The following RNF168 variants were observed in gnomAD, a reference collection of about 807,000 sequenced individuals.
RNF168 encodes ring finger protein 168, also known as E3 ubiquitin-protein ligase RNF168.
A neutral mutation model predicts 34.9 loss-of-function variants in RNF168; 34 were observed. The ratio of observed to expected loss-of-function variants is 0.97; its 90% CI spans 0.74 to 1.30. The LOEUF is 1.30. Among genes scored for constraint, RNF168 ranks in the 50% most tolerant of loss-of-function variants. The pLI, the probability that RNF168 is intolerant of heterozygous loss-of-function variation, is 0.00. For synonymous variants in RNF168, 264 were observed against 254.7 expected, an observed-to-expected ratio of 1.04 and a Z score of -0.35; for missense variants, 725 against 682.5, an observed-to-expected ratio of 1.06 and a Z score of -0.69.
intron 4 of RNF168, among the ~76,000 whole-genome samples, chr3:196,481,542 T>C (rs1178112254): frequency 6.6e-6 from 1 of 152,216 alleles, no homozygotes; most frequent in Non-Finnish European, 1.5e-5. Flanking sequence ...AGTTTCTTTC[T>C]GTTACCACTT....
rs1732404161 is a variant in RNF168, at chr3:196,485,611, T to C, written c.559-1720A>G. On this transcript the variant is annotated intron_variant, in intron 3 of 5. Coordinates refer to ENST00000318037, the MANE Select transcript of RNF168 (RefSeq NM_152617.4). ...TTATTATTCCATTGGTCAATGACTT[T>C]TATTTAGTTTCCTGATTGTGTATTT... is the stretch of plus-strand genomic sequence containing the variant. Among the ~76,000 whole-genome samples, 6 of 152,298 alleles carry C rather than the reference T, an allele frequency of 3.9e-5. No individual in the cohort carries two copies. The South Asian group carries it at 1.2e-3, about 32-fold the overall frequency.
chr3:196,475,248 T>C lies in RNF168; in HGVS notation c.745A>G (p.Lys249Glu). The change falls in exon 5 of 6, where the codon AAA becomes GAA. Residue 249 changes from lysine (K) to glutamate (E), a missense_variant. Coordinates refer to ENST00000318037, the MANE Select transcript of RNF168 (RefSeq NM_152617.4). ...SHSEAVQEVR[K>E]DSVSKDIDSS... ...CAACATACCTTAGATACGGAGTCTTTCCTGACTTCTTGTACAGCTTCAGAG... is the reference window on the plus strand; with the variant it reads ...CAACATACCTTAGATACGGAGTCTTCCCTGACTTCTTGTACAGCTTCAGAG... 2 of 1,604,016 alleles carry C rather than the reference T, an allele frequency of 1.2e-6. No homozygotes were observed. Among genetic ancestry groups the C allele is most frequent in the Non-Finnish European group, 1.7e-6 (2 of 1,170,778 alleles).
Position 196,502,927 on chromosome 3 carries a change from G to GT in RNF168, c.246dup (p.His83ThrfsTer9). 2 of 1,614,074 alleles carry GT rather than the reference G, an allele frequency of 1.2e-6. No homozygotes were observed. Among genetic ancestry groups the GT allele is most frequent in the Non-Finnish European group, 1.7e-6 (2 of 1,179,950 alleles). On this transcript the variant is annotated frameshift_variant, in exon 1 of 6. Coordinates refer to ENST00000318037, the MANE Select transcript of RNF168 (RefSeq NM_152617.4). LOFTEE classifies it high-confidence loss of function. ...CTAAGCTTGCACTCCCTGGGATAGT[G>GT]TTTTTGAATTATCGTCCACAGTTCC...
At position 196,503,505 on chromosome 3, in the gene RNF168, C is replaced by T. The variant is rs575929919; in HGVS notation, c.-332G>A. On this transcript the variant is annotated 5_prime_UTR_variant, in exon 1 of 6. Transcript: ENST00000318037. The stretch of plus-strand genomic sequence containing the variant: ...GCGGCTCCCGGGGCAGCGAGGGGAA[C>T]GCGCCAAGTCCTCTCCTCCCCTCAC... The T allele has an allele frequency of 1.1e-3, 433 of 385,100 alleles. No individual in the cohort carries two copies. Among genetic ancestry groups the T allele is most frequent in the African/African-American group, 7.4e-3 (357 of 48,070 alleles). The allele number at this position is 385,100 out of a possible 1,614,324, so 23.9% of individuals were successfully genotyped here.
chr3:196,487,869 T>C (rs1447230473), intron 2 of RNF168, among the ~76,000 whole-genome samples: 1 of 152,178 alleles, frequency 6.6e-6, no homozygotes, highest in Non-Finnish European at 1.5e-5. Context: ...AAATCTCTAT[T>C]TATGTATAAC....
intron 1 of RNF168, among the ~76,000 whole-genome samples, chr3:196,496,078 T>A (rs775093450): frequency 3.9e-4 from 59 of 152,314 alleles, no homozygotes; most frequent in South Asian, 3.1e-3. Context: ...AAACACCAAT[T>A]ATATTTTTAT....
In RNF168 at chr3:196,487,401, T is replaced by C. The variant is rs564496254; in HGVS notation, c.556A>G (p.Ile186Val). 9.9e-6 allele frequency: 16 copies of C among 1,613,486 alleles called. No individual in the cohort carries two copies. The South Asian group carries it at 1.2e-4, about 12-fold the overall frequency. Residue 186 changes from isoleucine to valine, a missense_variant and splice_region_variant, in exon 3 of 6, where the codon ATT (isoleucine) becomes GTT (valine). Physicochemically the swap from Ile to Val is conservative, Grantham distance 29. Coordinates refer to ENST00000318037, the MANE Select transcript of RNF168 (RefSeq NM_152617.4). The part of the protein sequence containing the change: ...EELARKLSID[I>V]NNFCEGSISA... The stretch of plus-strand genomic sequence containing the variant: ...TAGCGTTCCCTCCTAAAACTTACAA[T>C]ATCAATGCTTAGCTTTCTTGCCAGT...
chr3:196,475,536 A>C (rs1732124890), intron 4 of RNF168: 2 of 503,748 alleles, frequency 4.0e-6, no homozygotes, highest in South Asian at 4.4e-5. Context: ...GTAAAAGTCA[A>C]ATCTAAATAT....
At chr3:196,481,716 T>C (rs1361754922) in intron 4 of RNF168, among the ~76,000 whole-genome samples, 2 of 141,552 alleles carry the variant, frequency 1.4e-5, no homozygotes, top group African/African-American at 2.7e-5. Context: ...TTTTGAGATA[T>C]GATCATAGCT....
intron 1 of RNF168, among the ~76,000 whole-genome samples, chr3:196,498,721 G>A (rs1255744756): frequency 3.9e-5 from 6 of 152,116 alleles, no homozygotes; most frequent in African/African-American, 7.2e-5. Flanking sequence ...GAGGCCAGGC[G>A]CGGTGGCTCA....
intron 1 of RNF168, among the ~76,000 whole-genome samples, chr3:196,491,539 G>A (rs557730770): frequency 3.8e-4 from 57 of 151,574 alleles, no homozygotes; most frequent in Non-Finnish European, 6.5e-4. Flanking sequence ...CCAACTACTC[G>A]AGAGGCTGAC....
chr3:196,495,576 G>A (rs753658731), intron 1 of RNF168, among the ~76,000 whole-genome samples: 12 of 152,270 alleles, frequency 7.9e-5, no homozygotes, highest in African/African-American at 2.9e-4. Context: ...TTAGATTCAG[G>A]TTATGCCTTA....
At chr3:196,474,002 G>A (rs951546893) in intron 5 of RNF168, among the ~76,000 whole-genome samples, 12 of 152,158 alleles carry the variant, frequency 7.9e-5, no homozygotes, top group African/African-American at 2.9e-4. Context: ...TCTCAAAGTA[G>A]TTAATACACT....
At position 196,503,603 on chromosome 3, in the gene RNF168, C is replaced by G; in HGVS notation, c.-430G>C. On this transcript the variant is annotated 5_prime_UTR_variant, in exon 1 of 6. Coordinates refer to ENST00000318037, the MANE Select transcript of RNF168 (RefSeq NM_152617.4). ...CGGCTCCGGGAGGAAGCCCGGGCTC[C>G]GGCTGCAGCATAACTTCCGCTTTAC... 4.3e-6 allele frequency: 1 copy of G among 232,888 alleles called. No homozygotes were observed. The highest frequency in any genetic ancestry group is 8.7e-6 in the Non-Finnish European group (1 of 114,532). The allele number at this position is 232,888 out of a possible 1,614,324, so 14.4% of individuals were successfully genotyped here.
At chr3:196,500,336 G>A (rs1312763825) in intron 1 of RNF168, among the ~76,000 whole-genome samples, 1 of 152,198 alleles carries the variant, frequency 6.6e-6, no homozygotes, top group Non-Finnish European at 1.5e-5. Flanking sequence ...GAAAAGAAGG[G>A]AATGCTGTCA....
chr3:196,473,371 C>CA (rs912467409), intron 5 of RNF168, among the ~76,000 whole-genome samples: 1 of 151,876 alleles, frequency 6.6e-6, no homozygotes, highest in Non-Finnish European at 1.5e-5. Flanking sequence ...TTAAAAGGTT[C>CA]AAAAAAATGT....
chr3:196,495,526 G>A (rs1035599469), intron 1 of RNF168, among the ~76,000 whole-genome samples: 2 of 152,230 alleles, frequency 1.3e-5, no homozygotes, highest in African/African-American at 2.4e-5. Context: ...TAACAACTAC[G>A]TTTTGTAGAA....
intron 5 of RNF168, chr3:196,474,927 T>C (rs560858338): frequency 2.0e-5 from 7 of 356,602 alleles, no homozygotes; most frequent in South Asian, 1.9e-4. Context: ...TTACATATTA[T>C]CTATAGATGC....
In RNF168 at chr3:196,487,544, T is replaced by A. The variant is rs2108650285; in HGVS notation, c.413A>T (p.Glu138Val). The change falls in exon 3 of 6, where the codon GAA becomes GTA. Residue 138 changes from glutamate to valine, a missense_variant. Transcript: ENST00000318037. ...TATGTATTCTTCACTGGCTTTGTTT[T>A]CTTCTTCCTCGCTGGCCCGTCGCTC... ...AAERRASEEE[E>V]NKASEEYIQR... is the part of the protein sequence containing the mutation. The A allele has an allele frequency of 2.5e-6, 4 of 1,614,226 alleles. No homozygotes were observed. Among genetic ancestry groups the A allele is most frequent in the Non-Finnish European group, 3.4e-6 (4 of 1,180,038 alleles).
Sources: allele counts gnomAD v4.1 joint callset (sites outside exome capture counted in the v4.1 genomes callset), GRCh38; gene constraint gnomAD v4.1.1; transcripts MANE v1.5; gene names NCBI Gene and HGNC (gene_info 2026-07-23, HGNC 2026-07-21).